The following DPYD variants were observed in gnomAD, a reference collection of about 807,000 sequenced individuals.
DPYD encodes dihydropyrimidine dehydrogenase.
DPYD carries 109 observed loss-of-function variants against 116.2 expected under a neutral mutation model. The ratio of observed to expected loss-of-function variants is 0.94; its 90% CI spans 0.80 to 1.10. The LOEUF is 1.10. Ranked by LOEUF, DPYD falls within the 50% of genes least tolerant of loss-of-function variation. The pLI is 0.00. For missense variants in DPYD, 1,302 were observed against 1,254.5 expected (o/e 1.04, Z -0.57); for synonymous variants, 440 against 432.0 (o/e 1.02, Z -0.23).
intron 8 of DPYD, among the ~76,000 whole-genome samples, chr1:97,633,621 CT>C (rs1272340817): frequency 1.3e-5 from 2 of 152,006 alleles, no homozygotes; most frequent in Admixed American, 1.3e-4. Flanking sequence ...CTCATAGGTT[CT>C]GTCAAGGGGG....
At chr1:97,282,207 T>C (rs1465278177) in intron 18 of DPYD, among the ~76,000 whole-genome samples, 1 of 152,136 alleles carries the variant, frequency 6.6e-6, no homozygotes, top group Non-Finnish European at 1.5e-5. Flanking sequence ...ACTCTCTGAG[T>C]GAGAAGTCAT....
chr1:97,406,998 G>C (rs953691675), intron 14 of DPYD, among the ~76,000 whole-genome samples: 1 of 152,064 alleles, frequency 6.6e-6, no homozygotes, highest in African/African-American at 2.4e-5. Flanking sequence ...TAGGAATAGA[G>C]CTTTTCAATG....
intron 14 of DPYD, among the ~76,000 whole-genome samples, chr1:97,412,943 G>A (rs1674091912): frequency 6.6e-6 from 1 of 152,100 alleles, no homozygotes; most frequent in Admixed American, 6.5e-5. Context: ...CCTGTGATGA[G>A]GATTTTAGTC....
At chr1:97,213,518 C>G (rs1005276437) in intron 19 of DPYD, among the ~76,000 whole-genome samples, 3 of 152,106 alleles carry the variant, frequency 2.0e-5, no homozygotes, top group Non-Finnish European at 4.4e-5. Flanking sequence ...CACTAGAATG[C>G]TAGGTACTGT....
At chr1:97,147,112 G>A (rs1044908473) in intron 20 of DPYD, among the ~76,000 whole-genome samples, 5 of 152,196 alleles carry the variant, frequency 3.3e-5, no homozygotes, top group African/African-American at 1.2e-4. Context: ...CACTTTGGGA[G>A]GCCGAGGCCA....
At chr1:97,849,513 T>C (rs1359945138) in intron 2 of DPYD, among the ~76,000 whole-genome samples, 1 of 152,058 alleles carries the variant, frequency 6.6e-6, no homozygotes, top group East Asian at 1.9e-4. Context: ...TTTTTTTTTT[T>C]CGCCAGCTGA....
At chr1:97,280,654 T>C (rs1278470888) in intron 18 of DPYD, among the ~76,000 whole-genome samples, 5 of 152,002 alleles carry the variant, frequency 3.3e-5, no homozygotes, top group African/African-American at 2.4e-5. Flanking sequence ...AGACAAATAC[T>C]GCATGAACTC....
intron 16 of DPYD, among the ~76,000 whole-genome samples, chr1:97,325,489 G>T: frequency 6.6e-6 from 1 of 152,088 alleles, no homozygotes. Flanking sequence ...CCTTAAATGA[G>T]CACTTGCAAC....
intron 13 of DPYD, among the ~76,000 whole-genome samples, chr1:97,474,623 G>A (rs890721697): frequency 1.3e-5 from 2 of 151,748 alleles, no homozygotes; most frequent in Non-Finnish European, 2.9e-5. Context: ...CACAGTTTAA[G>A]ATTAATAAAG....
chr1:97,709,699 A>C (rs1363575716), intron 5 of DPYD, among the ~76,000 whole-genome samples: 1 of 151,898 alleles, frequency 6.6e-6, no homozygotes, highest in East Asian at 1.9e-4. Context: ...AGACAGAAAT[A>C]GTATAATTTT....
At chr1:97,708,875 T>C (rs1304771959) in intron 5 of DPYD, among the ~76,000 whole-genome samples, 1 of 151,976 alleles carries the variant, frequency 6.6e-6, no homozygotes, top group Non-Finnish European at 1.5e-5. Flanking sequence ...TATATCTAAG[T>C]ATTTCGTTTT....
At chr1:97,779,281 T>C (rs1017917571) in intron 3 of DPYD, among the ~76,000 whole-genome samples, 8 of 143,116 alleles carry the variant, frequency 5.6e-5, no homozygotes, top group African/African-American at 2.0e-4. Flanking sequence ...TTTGCCCTTA[T>C]TGTCTCTATA....
At chr1:97,568,657 T>A (rs928719503) in intron 11 of DPYD, among the ~76,000 whole-genome samples, 6 of 151,950 alleles carry the variant, frequency 3.9e-5, no homozygotes, top group African/African-American at 1.4e-4. Flanking sequence ...AAAGGAAAAA[T>A]TCAGAGCAAT....
intron 18 of DPYD, among the ~76,000 whole-genome samples, chr1:97,273,181 T>C (rs1664713655): frequency 6.6e-6 from 1 of 152,168 alleles, no homozygotes; most frequent in Non-Finnish European, 1.5e-5. Flanking sequence ...AAATTAAATG[T>C]GTTTTAAGTC....
At chr1:97,512,456 G>T (rs1055352562) in intron 13 of DPYD, among the ~76,000 whole-genome samples, 6 of 151,830 alleles carry the variant, frequency 4.0e-5, no homozygotes, top group African/African-American at 1.4e-4. Context: ...ATTTAGGATA[G>T]AAATAAATAC....
At position 97,873,362 on chromosome 1, in the gene DPYD, A is replaced by C. The variant is rs577945603; in HGVS notation, c.150+9902T>G. On this transcript the variant is annotated intron_variant, in intron 2 of 22. Coordinates refer to ENST00000370192, the MANE Select transcript of DPYD (RefSeq NM_000110.4). ...ATAAATTAATTCTTTAAGGGGGTTC[A>C]TTACTCCAGAAGGTAACTTATTTCC... Among the ~76,000 whole-genome samples, 5 of 152,050 alleles carry C rather than the reference A, an allele frequency of 3.3e-5. No homozygotes were observed. The South Asian group carries it at 1.0e-3, about 32-fold the overall frequency.
intron 5 of DPYD, among the ~76,000 whole-genome samples, chr1:97,712,576 T>G (rs1324013511): frequency 6.6e-6 from 1 of 152,140 alleles, no homozygotes; most frequent in African/African-American, 2.4e-5. Flanking sequence ...TAACATAGTT[T>G]CTACCTTTTT....
chr1:97,247,832 T>C (rs190435254), intron 18 of DPYD, among the ~76,000 whole-genome samples: 2 of 152,098 alleles, frequency 1.3e-5, no homozygotes, highest in Non-Finnish European at 2.9e-5. Context: ...AAATTAAAAA[T>C]AGATCCATAA....
At chr1:97,289,816 T>G (rs1019140820) in intron 18 of DPYD, among the ~76,000 whole-genome samples, 1 of 150,832 alleles carries the variant, frequency 6.6e-6, no homozygotes, top group Admixed American at 6.6e-5. Context: ...CTATTCAACA[T>G]AGTGTTGGAA....
Sources: allele counts gnomAD v4.1 joint callset (sites outside exome capture counted in the v4.1 genomes callset), GRCh38; gene constraint gnomAD v4.1.1; transcripts MANE v1.5; gene names NCBI Gene and HGNC (gene_info 2026-07-23, HGNC 2026-07-21).